Variants in SFMBT2 observed in about 807,000 individuals in gnomAD.
SFMBT2 encodes scm-like with four MBT domains protein 2.
SFMBT2 carries 38 observed loss-of-function variants against 110.1 expected under a neutral mutation model. That is an observed-to-expected ratio of 0.35 (90% CI 0.27 to 0.45). SFMBT2 has a LOEUF of 0.45. Among genes scored for constraint, SFMBT2 ranks in the 20% least tolerant of loss-of-function variants. The pLI is 1.00. For missense variants in SFMBT2, 1,011 were observed against 1,094.9 expected, an observed-to-expected ratio of 0.92 and a Z score of 1.08; for synonymous variants, 425 against 425.4, an observed-to-expected ratio of 1.00 and a Z score of 0.01.
In SFMBT2 at chr10:7,172,187, GCTGGTGGCCCGGGGGC is replaced by G; in HGVS notation, c.2152-45_2152-30del. On this transcript the variant is annotated intron_variant, in intron 18 of 20. Transcript: ENST00000397167. This position sits in a 1 kb window ranked among gnomAD's most constrained non-coding sequence, Gnocchi z 4.6. ...GGAAGGAGGAAAAGGCATTTAAGGG[GCTGGTGGCCCGGGGGC>G]CTGTAGCGGTGGCCCCGCGGTCAGA... 1 of 1,525,152 alleles carries G rather than the reference GCTGGTGGCCCGGGGGC, an allele frequency of 6.6e-7. No homozygotes were observed. Among genetic ancestry groups the G allele is most frequent in the Non-Finnish European group, 8.8e-7 (1 of 1,135,620 alleles). The allele number at this position is 1,525,152 out of a possible 1,614,324, so 94.5% of individuals were successfully genotyped here.
intron 9 of SFMBT2, among the ~76,000 whole-genome samples, chr10:7,237,784 TA>T (rs2131702912): frequency 6.6e-6 from 1 of 152,320 alleles, no homozygotes; most frequent in African/African-American, 2.4e-5. Context: ...CTTATTTGTG[TA>T]TTATATGATA....
intron 4 of SFMBT2, among the ~76,000 whole-genome samples, chr10:7,287,626 C>T (rs888753711): frequency 1.2e-4 from 18 of 152,188 alleles, no homozygotes; most frequent in African/African-American, 4.1e-4. Context: ...CCATCACAGC[C>T]AGCCCTCCAC....
chr10:7,344,958 CAAAAAAAAAAAAA>C (rs35145669), intron 4 of SFMBT2, among the ~76,000 whole-genome samples: 1 of 53,244 alleles, frequency 1.9e-5, no homozygotes, highest in Admixed American at 2.0e-4. Context: ...GACTCTGTCT[CAAAAAAAAAAAAA>C]AAAAAAAAAG....
intron 2 of SFMBT2, among the ~76,000 whole-genome samples, chr10:7,373,186 T>C (rs1845106628): frequency 6.6e-6 from 1 of 152,078 alleles, no homozygotes; most frequent in Admixed American, 6.6e-5. Flanking sequence ...ATGGATGACT[T>C]CCCTCGAGAG....
intron 1 of SFMBT2, among the ~76,000 whole-genome samples, chr10:7,396,228 G>A (rs2245290): frequency 0.018 from 2,711 of 152,272 alleles, 81 homozygotes; most frequent in African/African-American, 0.062. Context: ...CAGCCTGGGC[G>A]ACAGAGCGAG....
chr10:7,254,195 A>G (rs1840916651), intron 7 of SFMBT2, among the ~76,000 whole-genome samples: 1 of 152,214 alleles, frequency 6.6e-6, no homozygotes, highest in South Asian at 2.1e-4. Context: ...ATTAAACTGA[A>G]GGGATGACAA....
chr10:7,205,676 TGAAAACATG>T (rs1442306166), intron 12 of SFMBT2, 130 bp downstream of exon 12: 2 of 1,399,154 alleles, frequency 1.4e-6, no homozygotes, highest in East Asian at 5.4e-5. Flanking sequence ...AGCGAGATCA[TGAAAACATG>T]GGTTCTTGGT....
chr10:7,229,347 G>A (rs770490494), intron 9 of SFMBT2, among the ~76,000 whole-genome samples: 2 of 152,072 alleles, frequency 1.3e-5, no homozygotes, highest in Admixed American at 6.5e-5. Flanking sequence ...TTGGGAGGCC[G>A]AGGCGGGTGG....
chr10:7,336,612 C>A (rs1456580437), intron 4 of SFMBT2, among the ~76,000 whole-genome samples: 1 of 152,044 alleles, frequency 6.6e-6, no homozygotes, highest in African/African-American at 2.4e-5. Flanking sequence ...TATGATCATG[C>A]CACTGCATTA....
chr10:7,338,117 C>T (rs1404322327), intron 4 of SFMBT2, among the ~76,000 whole-genome samples: 1 of 152,154 alleles, frequency 6.6e-6, no homozygotes, highest in African/African-American at 2.4e-5. Context: ...ATGACAGTAG[C>T]TAAGGGGAAA....
chr10:7,298,552 T>A (rs1842470852), intron 4 of SFMBT2, among the ~76,000 whole-genome samples: 1 of 152,216 alleles, frequency 6.6e-6, no homozygotes, highest in South Asian at 2.1e-4. Flanking sequence ...GCCCCAGGGA[T>A]TATGAGCCCA....
chr10:7,391,726 C>G (rs2132105307), intron 1 of SFMBT2, among the ~76,000 whole-genome samples: 1 of 152,228 alleles, frequency 6.6e-6, no homozygotes, highest in South Asian at 2.1e-4. Flanking sequence ...TTCTAATACT[C>G]AGTGATAATC....
At chr10:7,245,293 C>T (rs548157164) in intron 8 of SFMBT2, among the ~76,000 whole-genome samples, 1 of 152,146 alleles carries the variant, frequency 6.6e-6, no homozygotes, top group African/African-American at 2.4e-5. Flanking sequence ...AGAATTGAGC[C>T]TATGAATGCT....
chr10:7,249,300 C>T (rs931555288), intron 7 of SFMBT2, among the ~76,000 whole-genome samples: 4 of 152,190 alleles, frequency 2.6e-5, no homozygotes, highest in African/African-American at 9.7e-5. Flanking sequence ...AACCTGCTTA[C>T]AGCAACCTTA....
intron 8 of SFMBT2, among the ~76,000 whole-genome samples, chr10:7,248,228 T>G (rs983159761): frequency 3.3e-5 from 5 of 152,244 alleles, no homozygotes; most frequent in African/African-American, 1.2e-4. Flanking sequence ...AGATCATATT[T>G]ACTACTACCC....
chr10:7,192,514 T>C (rs1838631280), intron 15 of SFMBT2, among the ~76,000 whole-genome samples: 1 of 152,054 alleles, frequency 6.6e-6, no homozygotes, highest in Non-Finnish European at 1.5e-5. Flanking sequence ...TTGTTGTGAG[T>C]GATAGCCCAG....
chr10:7,368,035 T>C, intron 3 of SFMBT2, 146 bp from the exon 4 acceptor site: 1 of 1,204,784 alleles, frequency 8.3e-7, no homozygotes, highest in Non-Finnish European at 1.1e-6. Flanking sequence ...AGTAATACAC[T>C]ATGGAAGCCA....
At chr10:7,357,261 G>A (rs889134058) in intron 4 of SFMBT2, among the ~76,000 whole-genome samples, 1 of 152,124 alleles carries the variant, frequency 6.6e-6, no homozygotes, top group African/African-American at 2.4e-5. Context: ...GGGCCACGGT[G>A]CCCAGACAAG....
chr10:7,219,893 C>T (rs7091362), intron 11 of SFMBT2: 42,969 of 162,316 alleles, frequency 0.26, 6,141 homozygotes, highest in South Asian at 0.4. Flanking sequence ...CCTGTAAATA[C>T]GCTATAGCTA....
Sources: allele counts gnomAD v4.1 joint callset (sites outside exome capture counted in the v4.1 genomes callset), GRCh38; gene constraint gnomAD v4.1.1; non-coding constraint Gnocchi (gnomAD v3.1); transcripts MANE v1.5; gene names NCBI Gene and HGNC (gene_info 2026-07-23, HGNC 2026-07-21).